ZNF831: variants seen among roughly 807,000 people sequenced by gnomAD.
ZNF831 encodes chromosome 20 open reading frame 174.
Under a neutral mutation model 95.8 loss-of-function variants are expected in ZNF831, and 59 were observed. The ratio of observed to expected loss-of-function variants is 0.62; its 90% CI spans 0.50 to 0.77. The LOEUF (loss-of-function observed/expected upper bound fraction) is 0.77. Among genes scored for constraint, ZNF831 ranks in the 30% least tolerant of loss-of-function variants. The pLI is 0.00. For synonymous variants in ZNF831, 961 were observed against 925.5 expected (o/e 1.04, Z -0.70); for missense variants, 2,205 against 2,164.0 (o/e 1.02, Z -0.38).
At chr20:59,152,206 T>C (rs1048542403) in intron 2 of ZNF831, among the ~76,000 whole-genome samples, 3 of 152,298 alleles carry the variant, frequency 2.0e-5, no homozygotes, top group South Asian at 4.1e-4. Flanking sequence ...CGCTCACTTT[T>C]GAAGATCTTA....
intron 1 of ZNF831, among the ~76,000 whole-genome samples, chr20:59,134,523 AG>A (rs1979445272): frequency 6.6e-6 from 1 of 152,164 alleles, no homozygotes; most frequent in Non-Finnish European, 1.5e-5. Context: ...CTTTCTCTTT[AG>A]TCTACTCTGA....
chr20:59,218,049 C>G (rs1985812533), intron 4 of ZNF831, among the ~76,000 whole-genome samples: 1 of 152,166 alleles, frequency 6.6e-6, no homozygotes, highest in African/African-American at 2.4e-5. Flanking sequence ...CAGCTACCTC[C>G]CAGAAAGCTC....
At chr20:59,134,314 T>G (rs1287091744) in intron 1 of ZNF831, among the ~76,000 whole-genome samples, 2 of 152,158 alleles carry the variant, frequency 1.3e-5, no homozygotes, top group East Asian at 3.9e-4. Context: ...TATTTTCTTG[T>G]CTCTTGTCTG....
chr20:59,187,328 ATGAGTGCCT>A (rs1485902531), intron 1 of ZNF831, among the ~76,000 whole-genome samples: 1 of 152,038 alleles, frequency 6.6e-6, no homozygotes. Flanking sequence ...CATGAGTGGA[ATGAGTGCCT>A]TATAAAGGGG....
In ZNF831 at chr20:59,165,734, G is replaced by A. The variant is rs529556140; in HGVS notation, c.-37+1527G>A. On this transcript the variant is annotated intron_variant, in intron 1 of 5. Coordinates refer to ENST00000371030, the MANE Select transcript of ZNF831 (RefSeq NM_178457.3). ...TTTGTATGTTTTCATTGCTTTCCTTGTAGTTCCTTTTTTTTTCTTCTTTTT... is the reference window on the plus strand; with the variant it reads ...TTTGTATGTTTTCATTGCTTTCCTTATAGTTCCTTTTTTTTTCTTCTTTTT... Among the ~76,000 whole-genome samples, 7 of 152,136 alleles carry A rather than the reference G, an allele frequency of 4.6e-5. No individual in the cohort carries two copies. The South Asian group carries it at 1.5e-3, about 32-fold the overall frequency.
At chr20:59,147,026 G>C (rs1601295884) in intron 2 of ZNF831, 1 of 152,222 alleles carries the variant, frequency 6.6e-6, no homozygotes, top group African/African-American at 2.4e-5. Flanking sequence ...CTTGCTTATC[G>C]AGCATGTCTC....
intron 1 of ZNF831, among the ~76,000 whole-genome samples, chr20:59,144,883 G>C (rs1214540618): frequency 6.6e-6 from 1 of 152,186 alleles, no homozygotes; most frequent in African/African-American, 2.4e-5. Context: ...AATTTTTATA[G>C]TGTCCAGAAG....
intron 3 of ZNF831, among the ~76,000 whole-genome samples, chr20:59,197,837 T>A (rs901737941): frequency 1.3e-5 from 2 of 152,130 alleles, no homozygotes; most frequent in African/African-American, 4.8e-5. Flanking sequence ...ATGCATGCCA[T>A]CCAGACGGAG....
chr20:59,188,259 A>C (rs1275279587), intron 1 of ZNF831, among the ~76,000 whole-genome samples: 1 of 152,128 alleles, frequency 6.6e-6, no homozygotes, highest in Non-Finnish European at 1.5e-5. Context: ...TTATATCCCC[A>C]CCAGTCGTGT....
chr20:59,207,061 T>C lies in ZNF831; in HGVS notation c.4027+5T>C, dbSNP rs1224532488. The C allele has an allele frequency of 1.9e-6, 3 of 1,613,754 alleles. No homozygotes were observed. The highest frequency in any genetic ancestry group is 1.1e-5 in the South Asian group (1 of 91,048). ...AGACCTCTTCAGAAATAGCAGGTAA[T>C]GCTCTCTTTGGAGGTGCATCCAGAC... On this transcript the variant is annotated splice_donor_5th_base_variant and intron_variant, in intron 4 of 5. Coordinates refer to ENST00000371030, the MANE Select transcript of ZNF831 (RefSeq NM_178457.3).
rs571710065 is a variant in ZNF831 at position 59,169,965 on chromosome 20, T to C, written c.-37+5758T>C. On this transcript the variant is annotated intron_variant, in intron 1 of 5. Coordinates refer to ENST00000371030, the MANE Select transcript of ZNF831 (RefSeq NM_178457.3). This position sits in a 1 kb window ranked among gnomAD's most constrained non-coding sequence, Gnocchi z 4.1. ...AGCTCTTTCTTTCATTGATTTTCTC[T>C]ATTATTTTTCTGTTTTGATTTGACC... Among the ~76,000 whole-genome samples the C allele has an allele frequency of 1.3e-5, 2 of 152,254 alleles. No individual in the cohort carries two copies. Among genetic ancestry groups the C allele is most frequent in the African/African-American group, 4.8e-5 (2 of 41,548 alleles).
chr20:59,216,522 A>C (rs1985689911), intron 4 of ZNF831, among the ~76,000 whole-genome samples: 2 of 152,140 alleles, frequency 1.3e-5, no homozygotes, highest in African/African-American at 4.8e-5. Context: ...GAAACCCTGC[A>C]TTTCTAAGAT....
Position 59,192,843 on chromosome 20 carries a change from C to T in ZNF831, c.1824C>T (p.Gly608=), listed in dbSNP as rs753975499. 5 of 1,605,010 alleles carry T rather than the reference C, an allele frequency of 3.1e-6. No individual in the cohort carries two copies. In the East Asian group the frequency reaches 8.9e-5, roughly 29 times the overall value. ...GCAGAGCGGGCGGCAGGAAGTGCGG[C>T]CAGAGAAGGCTGAAGATGTTCTCCC... is the stretch of plus-strand genomic sequence containing the variant. ...GKGRAGGRKC[G]QRRLKMFSQE... The change falls in exon 2 of 6, where the codon GGC becomes GGT. Residue 608 remains glycine, a synonymous_variant. Transcript: ENST00000371030. The surrounding 1 kb of genome is among the most constrained non-coding windows in gnomAD (Gnocchi z 5.2).
chr20:59,192,667 T>G lies in ZNF831; in HGVS notation c.1648T>G (p.Ser550Ala), dbSNP rs761015085. ...CCTGGGCTGCCGCTCGGGACTAAGC[T>G]CGACTGACGTTCCCAGTGGGCATCC... ...ARLGCRSGLS[S>A]TDVPSGHPRA... Residue 550 changes from serine (S) to alanine (A), a missense_variant, in exon 2 of 6, where the codon TCG becomes GCG. Physicochemically the swap from Ser to Ala is moderately conservative, Grantham distance 99 (BLOSUM62 1). Coordinates refer to ENST00000371030, the MANE Select transcript of ZNF831 (RefSeq NM_178457.3). The surrounding 1 kb of genome is among the most constrained non-coding windows in gnomAD (Gnocchi z 5.2). 1 of 1,539,984 alleles carries G rather than the reference T, an allele frequency of 6.5e-7. No individual in the cohort carries two copies. The highest frequency in any genetic ancestry group is 1.4e-5 in the African/African-American group (1 of 73,098).
At chr20:59,183,119 C>T (rs540416003) in intron 1 of ZNF831, among the ~76,000 whole-genome samples, 194 of 152,288 alleles carry the variant, frequency 1.3e-3, no homozygotes, top group Non-Finnish European at 2.4e-3. Context: ...TGAGGGCTGG[C>T]AGCAGTGGGG....
intron 1 of ZNF831, among the ~76,000 whole-genome samples, chr20:59,141,667 T>C (rs1158416544): frequency 2.0e-5 from 3 of 152,190 alleles, no homozygotes; most frequent in Non-Finnish European, 4.4e-5. Flanking sequence ...CCAACTTTAT[T>C]CTCCTTTTCA....
At chr20:59,186,087 C>G (rs1983007517) in intron 1 of ZNF831, among the ~76,000 whole-genome samples, 1 of 152,228 alleles carries the variant, frequency 6.6e-6, no homozygotes, top group Admixed American at 6.5e-5. Flanking sequence ...ATGCAGGCAG[C>G]TCACTTGCCC....
At chr20:59,185,037 A>G (rs1982901892) in intron 1 of ZNF831, among the ~76,000 whole-genome samples, 1 of 152,166 alleles carries the variant, frequency 6.6e-6, no homozygotes, top group South Asian at 2.1e-4. Context: ...AGGGCTTGGC[A>G]TTCAGTCCAG....
intron 1 of ZNF831, among the ~76,000 whole-genome samples, chr20:59,182,934 G>T: frequency 6.6e-6 from 1 of 152,170 alleles, no homozygotes; most frequent in Admixed American, 6.5e-5. Context: ...TCTGACAAAA[G>T]TTAGGGCTGC....
Sources: allele counts gnomAD v4.1 joint callset (sites outside exome capture counted in the v4.1 genomes callset), GRCh38; gene constraint gnomAD v4.1.1; non-coding constraint Gnocchi (gnomAD v3.1); transcripts MANE v1.5; gene names NCBI Gene and HGNC (gene_info 2026-07-23, HGNC 2026-07-21).